OPCML: variants seen among roughly 807,000 people sequenced by gnomAD.
The protein encoded by OPCML is opioid-binding protein/cell adhesion molecule.
OPCML carries 13 observed loss-of-function variants against 37.8 expected under a neutral mutation model. That is an observed-to-expected ratio of 0.34 (90% confidence interval 0.22 to 0.55). The LOEUF (loss-of-function observed/expected upper bound fraction) is 0.55. OPCML is among the 20% of genes least tolerant of loss of function. The pLI is 0.91. For missense variants in OPCML, 341 were observed against 435.6 expected (o/e 0.78, Z 1.93); for synonymous variants, 176 against 168.8 (o/e 1.04, Z -0.33).
chr11:132,713,436 C>G (rs895802248), intron 2 of OPCML, among the ~76,000 whole-genome samples: 3 of 152,134 alleles, frequency 2.0e-5, no homozygotes, highest in Non-Finnish European at 4.4e-5. Flanking sequence ...CAAAAATGAA[C>G]ATTCTGTCAT....
rs1364355163 is a variant in OPCML at position 133,422,261 on chromosome 11, G to A, written c.61+110003C>T. On this transcript the variant is annotated intron_variant, in intron 1 of 7. Coordinates refer to ENST00000524381, the MANE Select transcript of OPCML (RefSeq NM_001012393.5). ...GTACCAGGGATCTGAGTTTTGACAA[G>A]TGTGTCGTGGGACTCACCACTAAAC... 4 of 984,722 alleles carry A rather than the reference G, an allele frequency of 4.1e-6. No individual in the cohort carries two copies. In the African/African-American group the frequency reaches 5.3e-5, roughly 13 times the overall value. 61.0% of individuals were successfully genotyped at this position (984,722 alleles called of 1,614,324 possible).
chr11:132,682,657 AGAGCAACCAGGGAGAGAATG>A (rs1348445606), intron 2 of OPCML, among the ~76,000 whole-genome samples: 3 of 152,238 alleles, frequency 2.0e-5, no homozygotes, highest in Non-Finnish European at 2.9e-5. Flanking sequence ...TCTCCTCTAG[AGAGCAACCAGGGAGAGAATG>A]GAGCAACCAG....
At chr11:132,880,691 T>C (rs1943193859) in intron 2 of OPCML, among the ~76,000 whole-genome samples, 1 of 152,268 alleles carries the variant, frequency 6.6e-6, no homozygotes, top group Non-Finnish European at 1.5e-5. Flanking sequence ...TGGTTAGCAC[T>C]TACAGTAATT....
chr11:132,697,653 T>A (rs1034905213), intron 2 of OPCML, among the ~76,000 whole-genome samples: 3 of 152,196 alleles, frequency 2.0e-5, no homozygotes, highest in African/African-American at 7.2e-5. Context: ...TAGAACACGT[T>A]CTTTATCCAT....
At chr11:132,928,709 CATATGTTAAGGCAAA>C (rs1350425453) in intron 2 of OPCML, among the ~76,000 whole-genome samples, 1 of 151,898 alleles carries the variant, frequency 6.6e-6, no homozygotes, top group Admixed American at 6.6e-5. Flanking sequence ...CAGGATAGAT[CATATGTTAAGGCAAA>C]ATATAAGTAT....
intron 4 of OPCML, among the ~76,000 whole-genome samples, chr11:132,507,382 T>C (rs1332320016): frequency 6.6e-6 from 1 of 151,986 alleles, no homozygotes; most frequent in Non-Finnish European, 1.5e-5. Flanking sequence ...ACTGTAGTAT[T>C]AATGAAGTAT....
rs933171390 is a variant in OPCML, at chr11:133,455,423, A to G, written c.61+76841T>C. ...CAGTTTGGGGGTTCTTTTTGCATCT[A>G]ATGAATGTTCTCAGTTAGAAAAATC... On this transcript the variant is annotated intron_variant, in intron 1 of 7. Coordinates refer to ENST00000524381, the MANE Select transcript of OPCML (RefSeq NM_001012393.5). Among the ~76,000 whole-genome samples, 14 of 152,184 alleles carry G rather than the reference A, an allele frequency of 9.2e-5. No homozygotes were observed. The East Asian group carries it at 1.2e-3, about 13-fold the overall frequency.
chr11:133,058,681 G>A (rs1229404861), intron 1 of OPCML, among the ~76,000 whole-genome samples: 1 of 152,210 alleles, frequency 6.6e-6, no homozygotes, highest in African/African-American at 2.4e-5. Context: ...CCCCACGCCT[G>A]GGTTTTCGCT....
At chr11:132,522,593 G>A (rs1255763138) in intron 4 of OPCML, among the ~76,000 whole-genome samples, 1 of 152,172 alleles carries the variant, frequency 6.6e-6, no homozygotes, top group African/African-American at 2.4e-5. Context: ...ACTATTACCT[G>A]CTTTCCATTC....
At chr11:132,858,970 C>G (rs1006380164) in intron 2 of OPCML, among the ~76,000 whole-genome samples, 1 of 152,124 alleles carries the variant, frequency 6.6e-6, no homozygotes, top group Non-Finnish European at 1.5e-5. Context: ...CTCTTCATTT[C>G]TTTGAGCCAA....
Position 132,570,791 on chromosome 11 carries a change from A to ATATATATATT in OPCML, c.380-41606_380-41605insAATATATATA, listed in dbSNP as rs2096436040. The stretch of plus-strand genomic sequence containing the variant: ...TATATATATATATATATATATATAT[A>ATATATATATT]TATATATATATTTAGAGAGAGAGAG... On this transcript the variant is annotated intron_variant, in intron 3 of 7. Coordinates refer to ENST00000524381, the MANE Select transcript of OPCML (RefSeq NM_001012393.5). Among the ~76,000 whole-genome samples the ATATATATATT allele has an allele frequency of 3.2e-5, 4 of 124,504 alleles. No homozygotes were observed. In the South Asian group the frequency reaches 1.1e-3, roughly 33 times the overall value. The allele number at this position is 124,504 out of a possible 152,430, so 81.7% of individuals were successfully genotyped here.
intron 2 of OPCML, among the ~76,000 whole-genome samples, chr11:132,680,854 A>G (rs921730967): frequency 8.5e-4 from 129 of 152,282 alleles, no homozygotes; most frequent in African/African-American, 2.9e-3. Flanking sequence ...TGAAGAATTC[A>G]GCAGCAGAAG....
intron 1 of OPCML, among the ~76,000 whole-genome samples, chr11:133,407,274 T>C (rs1408020107): frequency 1.3e-5 from 2 of 152,182 alleles, no homozygotes; most frequent in Non-Finnish European, 2.9e-5. Flanking sequence ...TGCCCAATAT[T>C]AATCCCTGGA....
chr11:133,304,571 C>T lies in OPCML; in HGVS notation c.61+227693G>A, dbSNP rs558456436. 1.9e-3 allele frequency among the ~76,000 whole-genome samples: 294 copies of T among 152,290 alleles called. 1 individual carries two copies. The highest frequency in any genetic ancestry group is 6.2e-3 in the African/African-American group (259 of 41,550). ...TGCCGATGCCTTCTTGAACTCTTGG[C>T]CTCCCAAGTGCTAAGGTTACAGACA... On this transcript the variant is annotated intron_variant, in intron 1 of 7. Coordinates refer to ENST00000524381, the MANE Select transcript of OPCML (RefSeq NM_001012393.5).
intron 1 of OPCML, among the ~76,000 whole-genome samples, chr11:133,343,127 C>T (rs1457093947): frequency 6.6e-6 from 1 of 152,146 alleles, no homozygotes; most frequent in African/African-American, 2.4e-5. Context: ...CTGTGACACA[C>T]CATGATGGAT....
At chr11:133,373,424 A>AAAATATATATATATATAT (rs376543665) in intron 1 of OPCML, among the ~76,000 whole-genome samples, 1 of 117,740 alleles carries the variant, frequency 8.5e-6, no homozygotes, top group Middle Eastern at 4.8e-3. Context: ...ACTTAATTAA[A>AAAATATATATATATATAT]ATATATATAT....
intron 3 of OPCML, among the ~76,000 whole-genome samples, chr11:132,606,677 G>A (rs370170279): frequency 1.6e-4 from 6 of 37,164 alleles, no homozygotes; most frequent in East Asian, 1.2e-3. Flanking sequence ...CAATGGGACC[G>A]TGACTGCCGT....
intron 2 of OPCML, among the ~76,000 whole-genome samples, chr11:132,792,573 C>T (rs1025855419): frequency 6.6e-5 from 10 of 152,142 alleles, no homozygotes; most frequent in Non-Finnish European, 1.2e-4. Context: ...CTTTTTGCTG[C>T]GCCATTTCCA....
At chr11:132,810,783 C>G (rs1939295902) in intron 2 of OPCML, 2 of 152,180 alleles carry the variant, frequency 1.3e-5, no homozygotes, top group Non-Finnish European at 2.9e-5. Flanking sequence ...GCACCTCAAA[C>G]GCATAGCACC....
Sources: allele counts gnomAD v4.1 joint callset (sites outside exome capture counted in the v4.1 genomes callset), GRCh38; gene constraint gnomAD v4.1.1; transcripts MANE v1.5; gene names NCBI Gene and HGNC (gene_info 2026-07-23, HGNC 2026-07-21).